The following SEMA6D variants were observed in gnomAD, a reference collection of about 807,000 sequenced individuals.
The protein encoded by SEMA6D is semaphorin-6D.
Under a neutral mutation model 106.6 loss-of-function variants are expected in SEMA6D, and 35 were observed. That is an observed-to-expected ratio of 0.33 (90% confidence interval 0.25 to 0.44). The LOEUF (loss-of-function observed/expected upper bound fraction) is 0.44, where lower values mean the gene tolerates loss of function less well. Ranked by LOEUF, SEMA6D falls within the 20% of genes least tolerant of loss-of-function variation. SEMA6D has a pLI of 1.00. For synonymous variants in SEMA6D, 499 were observed against 487.7 expected (o/e 1.02, Z -0.31); for missense variants, 1,185 against 1,345.9 (o/e 0.88, Z 1.87).
In SEMA6D at chr15:47,641,053, A is replaced by T. The variant is rs538021388; in HGVS notation, c.-55+40157A>T. ...CCCAGTGGTCGTCCTTTTCAAAGCC[A>T]AGTTAAATGGAGCGGAGTGGGAGGG... On this transcript the variant is annotated intron_variant, in intron 4 of 19. Coordinates refer to the SEMA6D transcript ENST00000558014. 8.5e-5 allele frequency among the ~76,000 whole-genome samples: 13 copies of T among 152,278 alleles called. No individual in the cohort carries two copies. The East Asian group carries it at 1.7e-3, about 20-fold the overall frequency.
intron 1 of SEMA6D, among the ~76,000 whole-genome samples, chr15:47,273,341 A>G (rs994907252): frequency 2.0e-5 from 3 of 152,100 alleles, no homozygotes; most frequent in African/African-American, 7.2e-5. Flanking sequence ...CCCCAACAAC[A>G]TTAATTTTAA....
At chr15:47,448,586 C>G (rs2042095765) in intron 2 of SEMA6D, among the ~76,000 whole-genome samples, 1 of 152,118 alleles carries the variant, frequency 6.6e-6, no homozygotes, top group Non-Finnish European at 1.5e-5. Context: ...CAATATTTTC[C>G]TAAGCAGGGC....
At chr15:47,509,288 G>A (rs1442788488) in intron 3 of SEMA6D, among the ~76,000 whole-genome samples, 3 of 149,762 alleles carry the variant, frequency 2.0e-5, no homozygotes, top group Non-Finnish European at 3.0e-5. Flanking sequence ...GCCCAAACTG[G>A]GACCTTTGTC....
intron 3 of SEMA6D, among the ~76,000 whole-genome samples, chr15:47,537,564 T>C (rs2045209791): frequency 6.6e-6 from 1 of 152,196 alleles, no homozygotes; most frequent in Non-Finnish European, 1.5e-5. Flanking sequence ...ATTTTGTTTA[T>C]GTATACAGAA....
At chr15:47,294,789 G>T (rs941709668) in intron 1 of SEMA6D, among the ~76,000 whole-genome samples, 3 of 152,072 alleles carry the variant, frequency 2.0e-5, no homozygotes, top group African/African-American at 7.2e-5. Context: ...CTACCTATAA[G>T]GTGAAATGTA....
intron 3 of SEMA6D, among the ~76,000 whole-genome samples, chr15:47,561,098 A>T (rs1022691964): frequency 5.9e-5 from 9 of 152,060 alleles, no homozygotes; most frequent in African/African-American, 9.7e-5. Flanking sequence ...ATGGTTTAAA[A>T]CTTCCCAAAT....
chr15:47,249,444 GT>G (rs74517697), intron 1 of SEMA6D, among the ~76,000 whole-genome samples: 26,768 of 147,566 alleles, frequency 0.18, 3,683 homozygotes, highest in East Asian at 0.67. Context: ...ACAAAATCAT[GT>G]TTTTTTTTTT....
chr15:47,390,452 A>G (rs952294115), intron 1 of SEMA6D, among the ~76,000 whole-genome samples: 14 of 152,230 alleles, frequency 9.2e-5, no homozygotes, highest in Non-Finnish European at 1.8e-4. Context: ...GTGGCCAAGT[A>G]TATTCATTTC....
chr15:47,578,963 T>C (rs1293362653), intron 3 of SEMA6D, among the ~76,000 whole-genome samples: 3 of 152,100 alleles, frequency 2.0e-5, no homozygotes, highest in Non-Finnish European at 4.4e-5. Context: ...GTGGACCCCA[T>C]TTTTAAAATT....
intron 3 of SEMA6D, among the ~76,000 whole-genome samples, chr15:47,474,743 T>G (rs1485576362): frequency 6.6e-6 from 1 of 152,210 alleles, no homozygotes; most frequent in East Asian, 1.9e-4. Flanking sequence ...ATGGTCCCTT[T>G]GTCATTTTCC....
intron 3 of SEMA6D, among the ~76,000 whole-genome samples, chr15:47,577,465 C>T (rs894079900): frequency 1.3e-5 from 2 of 152,198 alleles, no homozygotes; most frequent in African/African-American, 4.8e-5. Context: ...AGATAATTTG[C>T]AAGTGATGGG....
At chr15:47,373,436 C>T (rs1259145874) in intron 1 of SEMA6D, among the ~76,000 whole-genome samples, 4 of 152,130 alleles carry the variant, frequency 2.6e-5, no homozygotes, top group African/African-American at 9.7e-5. Flanking sequence ...TGACTATGAT[C>T]AGCATCTTTT....
chr15:47,350,705 T>G (rs1008461426), intron 1 of SEMA6D, among the ~76,000 whole-genome samples: 1 of 152,212 alleles, frequency 6.6e-6, no homozygotes, highest in African/African-American at 2.4e-5. Flanking sequence ...ATAACTAGTA[T>G]TTTTAAAAGA....
intron 1 of SEMA6D, among the ~76,000 whole-genome samples, chr15:47,323,194 C>T (rs571521117): frequency 6.6e-6 from 1 of 152,058 alleles, no homozygotes; most frequent in African/African-American, 2.4e-5. Flanking sequence ...CTCCTGTTGT[C>T]CAGGTAGTAG....
At chr15:47,302,989 G>C (rs1451663452) in intron 1 of SEMA6D, among the ~76,000 whole-genome samples, 1 of 152,214 alleles carries the variant, frequency 6.6e-6, no homozygotes, top group African/African-American at 2.4e-5. Context: ...AATTCATGGC[G>C]AGGACACACC....
chr15:47,296,819 A>G (rs2035820549), intron 1 of SEMA6D, among the ~76,000 whole-genome samples: 1 of 152,202 alleles, frequency 6.6e-6, no homozygotes, highest in Non-Finnish European at 1.5e-5. Flanking sequence ...AATATGTTTC[A>G]ACACCTGCAT....
intron 1 of SEMA6D, among the ~76,000 whole-genome samples, chr15:47,192,875 C>T (rs999931977): frequency 2.6e-5 from 4 of 152,176 alleles, no homozygotes; most frequent in Admixed American, 6.5e-5. Context: ...TAGAGAAAAA[C>T]GTTGTCCTGT....
At chr15:47,419,870 A>G (rs1339333825) in intron 2 of SEMA6D, among the ~76,000 whole-genome samples, 1 of 152,134 alleles carries the variant, frequency 6.6e-6, no homozygotes, top group Non-Finnish European at 1.5e-5. Context: ...AAGAGGAGAT[A>G]AAAGATGACC....
chr15:47,425,957 G>A (rs1310475409), intron 2 of SEMA6D, among the ~76,000 whole-genome samples: 1 of 152,022 alleles, frequency 6.6e-6, no homozygotes, highest in East Asian at 1.9e-4. Flanking sequence ...TGGAGATTTT[G>A]TGTGTGTATT....
Sources: allele counts gnomAD v4.1 joint callset (sites outside exome capture counted in the v4.1 genomes callset), GRCh38; gene constraint gnomAD v4.1.1; transcripts MANE v1.5; gene names NCBI Gene and HGNC (gene_info 2026-07-23, HGNC 2026-07-21).